Variants in PPP4C observed in about 807,000 individuals in gnomAD.
The protein encoded by PPP4C is serine/threonine-protein phosphatase 4 catalytic subunit.
A neutral mutation model predicts 40.5 loss-of-function variants in PPP4C; 10 were observed. The observed-to-expected ratio is 0.25, with a 90% confidence interval of 0.15 to 0.42. PPP4C has a LOEUF of 0.42. Among genes scored for constraint, PPP4C ranks in the 10% least tolerant of loss-of-function variants. The probability of loss-of-function intolerance (pLI) is 1.00; values close to 1 mark genes in which losing one functional copy is unlikely to be tolerated. For missense variants in PPP4C, 191 were observed against 416.4 expected (o/e 0.46, Z 4.71); for synonymous variants, 187 against 163.6 (o/e 1.14, Z -1.09).
In PPP4C at chr16:30,076,195, G is replaced by T. The variant is rs1167610672; in HGVS notation, c.-64+101G>T. 8 of 623,788 alleles carry T rather than the reference G, an allele frequency of 1.3e-5. No individual in the cohort carries two copies. In the Admixed American group the frequency reaches 1.8e-4, roughly 14 times the overall value. The allele number at this position is 623,788 out of a possible 1,614,324, so 38.6% of individuals were successfully genotyped here. A position where few individuals can be genotyped will look rare whatever the true frequency, so the allele number is the denominator to read the frequency against. On this transcript the variant is annotated intron_variant, in intron 1 of 8. Coordinates refer to ENST00000279387, the MANE Select transcript of PPP4C (RefSeq NM_002720.3). ...CGGCCAGGCCGTTGGACGCCGGGGG[G>T]TCCTGGGGCCGATGTGAGGGGAGGC...
chr16:30,085,182 AG>A lies in PPP4C; in HGVS notation c.*123del. 1 of 1,346,904 alleles carries A rather than the reference AG, an allele frequency of 7.4e-7. No homozygotes were observed. Among genetic ancestry groups the A allele is most frequent in the African/African-American group, 1.4e-5 (1 of 69,026 alleles). The allele number at this position is 1,346,904 out of a possible 1,614,324, so 83.4% of individuals were successfully genotyped here. A position where few individuals can be genotyped will look rare whatever the true frequency, so the allele number is the denominator to read the frequency against. ...TGTCCTGGCTCTGCTGTCCCCCAAG[AG>A]GGTGCTTCGAGGGTGAGGACTTCTC... On this transcript the variant is annotated 3_prime_UTR_variant, in exon 9 of 9. Transcript: ENST00000279387.
chr16:30,076,099 T>C lies in PPP4C; in HGVS notation c.-64+5T>C, dbSNP rs1173771270. ...GGAACCGGAGTCGCAGCGGCGGTAA[T>C]AGTGCGAGACTCCTCTAAGTCACCG... is the stretch of plus-strand genomic sequence containing the variant. On this transcript the variant is annotated splice_donor_5th_base_variant and intron_variant, in intron 1 of 8. Transcript: ENST00000279387. 4 of 472,362 alleles carry C rather than the reference T, an allele frequency of 8.5e-6. No individual in the cohort carries two copies. The highest frequency in any genetic ancestry group is 6.2e-5 in the African/African-American group (3 of 48,598). The allele number at this position is 472,362 out of a possible 1,614,324, so 29.3% of individuals were successfully genotyped here.
chr16:30,085,251 TCC>T lies in PPP4C; in HGVS notation c.*192_*193del. ...CTAGCTCCATGTTCCTCCTCCTCTC[TCC>T]CCACTTGAACCATGAAGTTTCCAAT... is the stretch of plus-strand genomic sequence containing the variant. On this transcript the variant is annotated 3_prime_UTR_variant, in exon 9 of 9. Transcript: ENST00000279387. 1 of 509,912 alleles carries T rather than the reference TCC, an allele frequency of 2.0e-6. No individual in the cohort carries two copies. The highest frequency in any genetic ancestry group is 3.4e-6 in the Non-Finnish European group (1 of 297,618). 31.6% of individuals were successfully genotyped at this position (509,912 alleles called of 1,614,324 possible). A position where few individuals can be genotyped will look rare whatever the true frequency, so the allele number is the denominator to read the frequency against.
chr16:30,077,641 C>T (rs980235843), intron 2 of PPP4C, among the ~76,000 whole-genome samples: 1 of 152,232 alleles, frequency 6.6e-6, no homozygotes. Context: ...CACAGAATTA[C>T]CCTACGTTTA....
rs112720103 is a variant in PPP4C at position 30,076,513 on chromosome 16, C to T, written c.98+38C>T. The T allele has an allele frequency of 4.2e-5, 66 of 1,569,160 alleles. No individual in the cohort carries two copies. In the African/African-American group the frequency reaches 6.0e-4, roughly 14 times the overall value. On this transcript the variant is annotated intron_variant, in intron 2 of 8. Coordinates refer to ENST00000279387, the MANE Select transcript of PPP4C (RefSeq NM_002720.3). ...GCCCTGGGGAAGGGAGGCCAAGCCG[C>T]CGCCCACGGGTTCTGGCCTGGGGCA...
At chr16:30,081,759 AAAC>A (rs2072511867) in intron 3 of PPP4C, 1 of 159,434 alleles carries the variant, frequency 6.3e-6, no homozygotes. Flanking sequence ...AAACAAAAAA[AAAC>A]AAAAAAAACA....
Position 30,085,065 on chromosome 16 carries a change from C to G in PPP4C, c.*3C>G. 6.2e-7 allele frequency: 1 copy of G among 1,613,414 alleles called. No individual in the cohort carries two copies. The highest frequency in any genetic ancestry group is 1.1e-5 in the South Asian group (1 of 91,022). ...CCGTGGCCGACTACTTCCTGTGACCCCGCCCGGCCCCTGCCCCCTCCAACC... is the reference window on the plus strand; with the variant it reads ...CCGTGGCCGACTACTTCCTGTGACCGCGCCCGGCCCCTGCCCCCTCCAACC... On this transcript the variant is annotated 3_prime_UTR_variant, in exon 9 of 9. Transcript: ENST00000279387.
chr16:30,079,950 G>A (rs1156483458), intron 2 of PPP4C, among the ~76,000 whole-genome samples: 1 of 152,138 alleles, frequency 6.6e-6, no homozygotes, highest in Admixed American at 6.5e-5. Context: ...CATAGTACCT[G>A]CCTGCCAAGC....
intron 2 of PPP4C, 92 bp downstream of exon 2, chr16:30,076,567 C>T (rs934367732): frequency 6.1e-6 from 8 of 1,318,014 alleles, no homozygotes; most frequent in African/African-American, 2.9e-5. Flanking sequence ...GGGCTTGCCT[C>T]GTTCTGGAAG....
intron 2 of PPP4C, among the ~76,000 whole-genome samples, chr16:30,078,353 C>G (rs1596828890): frequency 6.6e-6 from 1 of 152,134 alleles, no homozygotes; most frequent in African/African-American, 2.4e-5. Flanking sequence ...AGTTTTGCAT[C>G]CAGGTCTTTG....
rs1389372842 is a variant in PPP4C at position 30,082,732 on chromosome 16, C to T, written c.202-14C>T. 2 of 1,610,442 alleles carry T rather than the reference C, an allele frequency of 1.2e-6. No homozygotes were observed. Among genetic ancestry groups the T allele is most frequent in the African/African-American group, 2.7e-5 (2 of 74,802 alleles). ...ACTGTTTACGACAGGGCAAAACTTTCTACTTCCCCACAGGTAGGTGGCGAC... is the reference window on the plus strand; with the variant it reads ...ACTGTTTACGACAGGGCAAAACTTTTTACTTCCCCACAGGTAGGTGGCGAC... On this transcript the variant is annotated splice_polypyrimidine_tract_variant and intron_variant, in intron 4 of 8. Transcript: ENST00000279387.
chr16:30,084,910 G>A (rs773624558), intron 8 of PPP4C, 23 bp from the exon 9 acceptor site: 1 of 1,613,900 alleles, frequency 6.2e-7, no homozygotes, highest in South Asian at 1.1e-5. Context: ...AGCTGCTCCT[G>A]ACCCTGCTGC....
Position 30,084,841 on chromosome 16 carries a change from C to G in PPP4C, c.780C>G (p.Pro260=). ...CGGTGCTCACTGTGTGGTCGGCACC[C>G]AACTACTGCTACCGGTGAGCCGGCT... ...NETVLTVWSA[P]NYCYRCGNVA... is the part of the protein sequence containing the mutation. The change falls in exon 8 of 9, where the codon CCC becomes CCG. Residue 260 remains proline, a synonymous_variant. Transcript: ENST00000279387. 1 of 1,614,220 alleles carries G rather than the reference C, an allele frequency of 6.2e-7. No individual in the cohort carries two copies. Among genetic ancestry groups the G allele is most frequent in the East Asian group, 2.2e-5 (1 of 44,880 alleles).
At position 30,076,300 on chromosome 16, in the gene PPP4C, C is replaced by T. The variant is rs557112044; in HGVS notation, c.-63-15C>T. On this transcript the variant is annotated splice_polypyrimidine_tract_variant and intron_variant, in intron 1 of 8. Transcript: ENST00000279387. ...GACGGACACTGATCCGCGGGCTCGT[C>T]TTGGCCTTTCCCAGGAGACCCCTGT... 8.8e-5 allele frequency: 129 copies of T among 1,465,658 alleles called. No homozygotes were observed. The highest frequency in any genetic ancestry group is 1.1e-4 in the Non-Finnish European group (122 of 1,062,636). The allele number at this position is 1,465,658 out of a possible 1,614,324, so 90.8% of individuals were successfully genotyped here.
chr16:30,076,463 G>T lies in PPP4C; in HGVS notation c.86G>T (p.Cys29Phe). 6.2e-7 allele frequency: 1 copy of T among 1,611,882 alleles called. No individual in the cohort carries two copies. The highest frequency in any genetic ancestry group is 2.2e-5 in the East Asian group (1 of 44,772). Reference sequence around the variant, plus strand: ...AAGGAGAGCGAAGTCAAGGCCCTGTGCGCTAAGGCCAGGTGAGCTCGTTGG... The same window carrying T: ...AAGGAGAGCGAAGTCAAGGCCCTGTTCGCTAAGGCCAGGTGAGCTCGTTGG... ...LIKESEVKAL[C>F]AKAREILVEE... Residue 29 changes from cysteine to phenylalanine, a missense_variant, in exon 2 of 9, where the codon TGC (cysteine) becomes TTC (phenylalanine). Cys to Phe is a radical substitution (Grantham distance 205). Coordinates refer to ENST00000279387, the MANE Select transcript of PPP4C (RefSeq NM_002720.3).
At position 30,084,919 on chromosome 16, in the gene PPP4C, G is replaced by T. The variant is rs1225071949; in HGVS notation, c.795-14G>T. The T allele has an allele frequency of 5.6e-6, 9 of 1,613,946 alleles. No individual in the cohort carries two copies. Among genetic ancestry groups the T allele is most frequent in the Non-Finnish European group, 7.6e-6 (9 of 1,179,812 alleles). The stretch of plus-strand genomic sequence containing the variant: ...GAGCCGAGCTGCTCCTGACCCTGCT[G>T]CCCCGCCTTCCAGCTGTGGGAATGT... On this transcript the variant is annotated splice_polypyrimidine_tract_variant and intron_variant, in intron 8 of 8. Transcript: ENST00000279387.
intron 2 of PPP4C, among the ~76,000 whole-genome samples, chr16:30,079,810 C>T (rs1232606072): frequency 6.6e-6 from 1 of 152,178 alleles, no homozygotes; most frequent in Non-Finnish European, 1.5e-5. Context: ...GGGCCTCCCA[C>T]ATCAGAATAT....
chr16:30,085,179 A>C lies in PPP4C; in HGVS notation c.*117A>C, dbSNP rs1420627722. ...GGCTGTCCTGGCTCTGCTGTCCCCC[A>C]AGAGGGTGCTTCGAGGGTGAGGACT... is the stretch of plus-strand genomic sequence containing the variant. On this transcript the variant is annotated 3_prime_UTR_variant, in exon 9 of 9. Transcript: ENST00000279387. 1.2e-5 allele frequency: 16 copies of C among 1,354,860 alleles called. No homozygotes were observed. The highest frequency in any genetic ancestry group is 1.4e-5 in the Non-Finnish European group (14 of 983,652). 83.9% of individuals were successfully genotyped at this position (1,354,860 alleles called of 1,614,324 possible).
intron 1 of PPP4C, 45 bp from the exon 2 acceptor site, chr16:30,076,270 C>T (rs1056780404): frequency 1.8e-6 from 2 of 1,139,746 alleles, no homozygotes; most frequent in African/African-American, 1.5e-5. Flanking sequence ...CCGCTCCGAG[C>T]CCCGGACGGA....
Sources: allele counts gnomAD v4.1 joint callset (sites outside exome capture counted in the v4.1 genomes callset), GRCh38; gene constraint gnomAD v4.1.1; transcripts MANE v1.5; gene names NCBI Gene and HGNC (gene_info 2026-07-23, HGNC 2026-07-21).